Variants in SFPQ observed in about 807,000 individuals in gnomAD.
SFPQ encodes splicing factor proline and glutamine rich, also known as splicing factor, proline- and glutamine-rich.
In SFPQ, 11 loss-of-function variants were observed where a neutral mutation model predicts 72.9. The ratio of observed to expected loss-of-function variants is 0.15; its 90% CI spans 0.09 to 0.25. The LOEUF (loss-of-function observed/expected upper bound fraction) is 0.25, where lower values mean the gene tolerates loss of function less well. Among genes scored for constraint, SFPQ ranks in the 10% least tolerant of loss-of-function variants. The pLI, the probability that SFPQ is intolerant of heterozygous loss-of-function variation, is 1.00. For synonymous variants in SFPQ, 506 were observed against 367.3 expected (o/e 1.38, Z -4.32); for missense variants, 847 against 993.3 (o/e 0.85, Z 1.98).
chr1:35,181,601 T>C, downstream of SFPQ: 1 of 1,060,488 alleles, frequency 9.4e-7, no homozygotes. Context: ...CTTAACAATA[T>C]GCAGTTTTTA....
chr1:35,187,889 A>G, intron 7 of SFPQ, 84 bp downstream of exon 7: 3 of 804,880 alleles, frequency 3.7e-6, no homozygotes, highest in Non-Finnish European at 6.4e-6. Flanking sequence ...CTGTAATTTG[A>G]TATTAAAATT....
Position 35,192,692 on chromosome 1 carries a change from C to G in SFPQ, c.358G>C (p.Gly120Arg). The change falls in exon 1 of 10, where the codon GGA becomes CGA. Residue 120 changes from glycine (G) to arginine (R), a missense_variant. Physicochemically the swap from Gly to Arg is moderately radical, Grantham distance 125. Transcript: ENST00000357214. Reference sequence around the variant, plus strand: ...GAGGCTGGTGGTGCGCTGCCTACTCCGGGAGCGGGGCCGGGTCCCTGAGCA... The same window carrying G: ...GAGGCTGGTGGTGCGCTGCCTACTCGGGGAGCGGGGCCGGGTCCCTGAGCA... ...VVAQGPGPAP[G>R]VGSAPPASSS... 1.4e-6 allele frequency: 2 copies of G among 1,438,134 alleles called. No homozygotes were observed. The highest frequency in any genetic ancestry group is 9.1e-7 in the Non-Finnish European group (1 of 1,104,044). The allele number at this position is 1,438,134 out of a possible 1,614,324, so 89.1% of individuals were successfully genotyped here. A position where few individuals can be genotyped will look rare whatever the true frequency, so the allele number is the denominator to read the frequency against.
In SFPQ at chr1:35,184,303, T is replaced by C. The variant is rs1025512524; in HGVS notation, c.*153A>G. ...GTTCCAAACACTGCATTACATAATT[T>C]TACCTGCCCAAACAGACCATTTACA... On this transcript the variant is annotated 3_prime_UTR_variant, in exon 10 of 10. Transcript: ENST00000357214. The C allele has an allele frequency of 3.5e-6, 5 of 1,439,278 alleles. No individual in the cohort carries two copies. The highest frequency in any genetic ancestry group is 3.6e-6 in the Non-Finnish European group (4 of 1,104,698). 89.2% of individuals were successfully genotyped at this position (1,439,278 alleles called of 1,614,324 possible).
At chr1:35,180,995 A>G, downstream of SFPQ, 2 of 1,065,218 alleles carry the variant, frequency 1.9e-6, no homozygotes, top group Non-Finnish European at 2.3e-6. Context: ...ACACCCACAC[A>G]GTTTTGATGT....
At chr1:35,178,136 A>G (rs189416139), downstream of SFPQ, 77 of 1,145,914 alleles carry the variant, frequency 6.7e-5, no homozygotes, top group East Asian at 2.6e-3. Context: ...AAAAATCCAG[A>G]GATAAAGATT....
In SFPQ at chr1:35,189,023, T is replaced by C. The variant is rs1452923897; in HGVS notation, c.1677A>G (p.Lys559=). 1.2e-6 allele frequency: 2 copies of C among 1,611,982 alleles called. No individual in the cohort carries two copies. The highest frequency in any genetic ancestry group is 1.7e-6 in the Non-Finnish European group (2 of 1,179,678). Residue 559 remains lysine (K), a synonymous_variant, in exon 6 of 10, where the codon AAA becomes AAG. Coordinates refer to ENST00000357214, the MANE Select transcript of SFPQ (RefSeq NM_005066.3). ...MEELHNQEMQ[K]RKEMQLRQEE... is the part of the protein sequence containing the mutation. ...TTTACCTCAATTGCATTTCTTTACGTTTCTGCATTTCTTGATTGTGAAGTT... is the reference window on the plus strand; with the variant it reads ...TTTACCTCAATTGCATTTCTTTACGCTTCTGCATTTCTTGATTGTGAAGTT...
chr1:35,189,175 G>A lies in SFPQ; in HGVS notation c.1612+11C>T. The A allele has an allele frequency of 6.2e-7, 1 of 1,613,644 alleles. No homozygotes were observed. The highest frequency in any genetic ancestry group is 8.5e-7 in the Non-Finnish European group (1 of 1,179,758). On this transcript the variant is annotated intron_variant, in intron 5 of 9. Transcript: ENST00000357214. ...ACCTTAGCAATGATGTTCACGCACA[G>A]GTCTTTTTACCTTGGCGCAAAAGAT...
At chr1:35,187,563 T>A (rs575409334) in intron 7 of SFPQ, among the ~76,000 whole-genome samples, 8 of 152,210 alleles carry the variant, frequency 5.3e-5, no homozygotes, top group Middle Eastern at 3.4e-3. Context: ...AAACGCCATT[T>A]CTACTAAAAA....
At chr1:35,191,053 A>C (rs1570138035) in intron 2 of SFPQ, 58 bp from the exon 3 acceptor site, 2 of 1,441,968 alleles carry the variant, frequency 1.4e-6, no homozygotes, top group South Asian at 2.5e-5. Flanking sequence ...TCTACTCTTA[A>C]ATTGTCATAG....
chr1:35,178,366 C>T (rs2148602829), downstream of SFPQ: 1 of 1,063,416 alleles, frequency 9.4e-7, no homozygotes, highest in Non-Finnish European at 1.1e-6. Context: ...ACAACGTTGA[C>T]CTCACCAAAT....
chr1:35,180,219 T>C (rs1260520380), downstream of SFPQ: 3 of 1,052,030 alleles, frequency 2.9e-6, no homozygotes, highest in South Asian at 4.6e-5. Flanking sequence ...CTGTCTCTCA[T>C]GCATGCTAGC....
chr1:35,185,914 A>G (rs1289812459), intron 9 of SFPQ, among the ~76,000 whole-genome samples: 2 of 152,222 alleles, frequency 1.3e-5, no homozygotes, highest in Non-Finnish European at 2.9e-5. Context: ...TTTAATTGTG[A>G]GAACATAAGG....
rs117402486 is a variant in SFPQ, at chr1:35,193,140, A to C, written c.-91T>G. 433 of 1,472,882 alleles carry C rather than the reference A, an allele frequency of 2.9e-4. 1 individual carries two copies. The East Asian group carries it at 6.6e-3, about 23-fold the overall frequency. The allele number at this position is 1,472,882 out of a possible 1,614,324, so 91.2% of individuals were successfully genotyped here. A position where few individuals can be genotyped will look rare whatever the true frequency, so the allele number is the denominator to read the frequency against. On this transcript the variant is annotated 5_prime_UTR_variant, in exon 1 of 10. Coordinates refer to ENST00000357214, the MANE Select transcript of SFPQ (RefSeq NM_005066.3). Reference sequence around the variant, plus strand: ...TGCTTCTCACAAAATGGCGGATGACACAGGCGGCGCGCCGCCTTTGTCCTC... The same window carrying C: ...TGCTTCTCACAAAATGGCGGATGACCCAGGCGGCGCGCCGCCTTTGTCCTC...
chr1:35,183,953 T>C lies in SFPQ; in HGVS notation c.*503A>G. On this transcript the variant is annotated 3_prime_UTR_variant, in exon 10 of 10. Transcript: ENST00000357214. ...ACTACTTCAATATGCATTTCTTCTTTTTAAAACAAAGGGGGCAATTATTTG... is the reference window on the plus strand; with the variant it reads ...ACTACTTCAATATGCATTTCTTCTTCTTAAAACAAAGGGGGCAATTATTTG... 1 of 1,051,274 alleles carries C rather than the reference T, an allele frequency of 9.5e-7. No individual in the cohort carries two copies. Among genetic ancestry groups the C allele is most frequent in the Non-Finnish European group, 1.1e-6 (1 of 870,264 alleles). 65.1% of individuals were successfully genotyped at this position (1,051,274 alleles called of 1,614,324 possible). A position where few individuals can be genotyped will look rare whatever the true frequency, so the allele number is the denominator to read the frequency against.
rs1570145282 is a variant in SFPQ, at chr1:35,192,774, C to G, written c.276G>C (p.Gln92His). 1.3e-6 allele frequency: 2 copies of G among 1,503,160 alleles called. No homozygotes were observed. The highest frequency in any genetic ancestry group is 2.5e-5 in the South Asian group (2 of 80,648). The allele number at this position is 1,503,160 out of a possible 1,614,324, so 93.1% of individuals were successfully genotyped here. Residue 92 changes from glutamine (Q) to histidine (H), a missense_variant, in exon 1 of 10, where the codon CAG becomes CAC. Physicochemically the swap from Gln to His is conservative, Grantham distance 24. Around this residue, in one of 6 missense-constraint regions of SFPQ, gnomAD observed 498 missense variants for 405.1 expected, o/e 1.23. Coordinates refer to ENST00000357214, the MANE Select transcript of SFPQ (RefSeq NM_005066.3). ...PPPHQPPPHP[Q>H]PHQQQQPPPP... ...GCGGCGGCTGCTGCTGCTGATGCGG[C>G]TGTGGATGCGGCGGCGGCTGATGCG...
At position 35,187,987 on chromosome 1, in the gene SFPQ, C is replaced by G; in HGVS notation, c.1801G>C (p.Gly601Arg). The G allele has an allele frequency of 6.2e-7, 1 of 1,612,708 alleles. No homozygotes were observed. Among genetic ancestry groups the G allele is most frequent in the Non-Finnish European group, 8.5e-7 (1 of 1,178,718 alleles). The change falls in exon 7 of 10, where the codon GGC becomes CGC. Residue 601 changes from glycine to arginine, a missense_variant. This residue lies in a region of SFPQ where 154 missense variants were observed against 186.0 expected (regional missense o/e 0.83). Coordinates refer to ENST00000357214, the MANE Select transcript of SFPQ (RefSeq NM_005066.3). ...GGCTGACTTACTGGATCCATGTAGC[C>G]CATTCGGCTGTAACTTTCCTCTCTT... ...RQREESYSRM[G>R]YMDPRERDMR...
At position 35,183,018 on chromosome 1, in the gene SFPQ, G is replaced by A. The variant is rs2148609917; in HGVS notation, c.*1438C>T. 2 of 1,036,246 alleles carry A rather than the reference G, an allele frequency of 1.9e-6. No homozygotes were observed. The highest frequency in any genetic ancestry group is 4.6e-5 in the South Asian group (1 of 21,726). The allele number at this position is 1,036,246 out of a possible 1,614,324, so 64.2% of individuals were successfully genotyped here. On this transcript the variant is annotated 3_prime_UTR_variant, in exon 10 of 10. Coordinates refer to ENST00000357214, the MANE Select transcript of SFPQ (RefSeq NM_005066.3). ...ACTTTCTCCAGATTTAGTGCTACAT[G>A]AAAACGAAACTATGTGAAAACAAGT...
In SFPQ at chr1:35,192,422, C is replaced by T. The variant is rs1372402378; in HGVS notation, c.628G>A (p.Gly210Ser). 2 of 1,426,436 alleles carry T rather than the reference C, an allele frequency of 1.4e-6. No individual in the cohort carries two copies. Among genetic ancestry groups the T allele is most frequent in the Admixed American group, 3.0e-5 (1 of 33,468 alleles). 88.4% of individuals were successfully genotyped at this position (1,426,436 alleles called of 1,614,324 possible). The stretch of plus-strand genomic sequence containing the variant: ...GGCTTCGGCCCGCCAGGCATTTTGC[C>T]GCCTTTGGGACCACCCGGACCTGGG... ...QGPGPGGPKGGKMPGGPKPGG... is the reference protein window; with the variant it reads ...QGPGPGGPKGSKMPGGPKPGG... The change falls in exon 1 of 10, where the codon GGC becomes AGC. Residue 210 changes from glycine to serine, a missense_variant. Around this residue, in one of 6 missense-constraint regions of SFPQ, gnomAD observed 498 missense variants for 405.1 expected, o/e 1.23. Coordinates refer to ENST00000357214, the MANE Select transcript of SFPQ (RefSeq NM_005066.3).
At position 35,183,725 on chromosome 1, in the gene SFPQ, A is replaced by G; in HGVS notation, c.*731T>C. ...CAACAAAATGACCTTTCCACTTTTC[A>G]AAAGCTTTCAAGTAAAGGATAGATC... is the stretch of plus-strand genomic sequence containing the variant. On this transcript the variant is annotated 3_prime_UTR_variant, in exon 10 of 10. Transcript: ENST00000357214. The G allele has an allele frequency of 9.5e-7, 1 of 1,047,316 alleles. No homozygotes were observed. The highest frequency in any genetic ancestry group is 1.7e-5 in the African/African-American group (1 of 60,108). The allele number at this position is 1,047,316 out of a possible 1,614,324, so 64.9% of individuals were successfully genotyped here. A position where few individuals can be genotyped will look rare whatever the true frequency, so the allele number is the denominator to read the frequency against.
Sources: allele counts gnomAD v4.1 joint callset (sites outside exome capture counted in the v4.1 genomes callset), GRCh38; gene constraint gnomAD v4.1.1; regional missense constraint gnomAD v4.1.1; transcripts MANE v1.5; gene names NCBI Gene and HGNC (gene_info 2026-07-23, HGNC 2026-07-21).